Variants in COL14A1 observed in about 807,000 individuals in gnomAD.
COL14A1 encodes collagen alpha-1(XIV) chain.
A neutral mutation model predicts 230.3 loss-of-function variants in COL14A1; 136 were observed. The ratio of observed to expected loss-of-function variants is 0.59; its 90% CI spans 0.51 to 0.68. COL14A1 has a LOEUF of 0.68. Ranked by LOEUF, COL14A1 falls within the 30% of genes least tolerant of loss-of-function variation. The pLI is 0.00. For missense variants in COL14A1, 1,976 were observed against 2,215.8 expected (o/e 0.89, Z 2.17); for synonymous variants, 792 against 784.1 (o/e 1.01, Z -0.17).
chr8:120,290,593 A>T (rs141268024), intron 34 of COL14A1, among the ~76,000 whole-genome samples: 1 of 152,336 alleles, frequency 6.6e-6, no homozygotes, highest in Non-Finnish European at 1.5e-5. Flanking sequence ...TCCCACTTTC[A>T]TAGATCTGTA....
intron 5 of COL14A1, among the ~76,000 whole-genome samples, chr8:120,177,305 G>A (rs1816311605): frequency 6.6e-6 from 1 of 151,994 alleles, no homozygotes; most frequent in African/African-American, 2.4e-5. Flanking sequence ...ACACAAAAGT[G>A]GTGGCCTCAG....
intron 7 of COL14A1, among the ~76,000 whole-genome samples, chr8:120,199,070 G>A (rs567439403): frequency 2.0e-4 from 30 of 152,248 alleles, no homozygotes; most frequent in Admixed American, 4.6e-4. Context: ...ACGCACTACT[G>A]TGTGAGTATT....
chr8:120,310,321 C>T (rs1179418470), intron 37 of COL14A1, among the ~76,000 whole-genome samples: 1 of 152,090 alleles, frequency 6.6e-6, no homozygotes, highest in Non-Finnish European at 1.5e-5. Flanking sequence ...GTTTAGTCTC[C>T]AAGGTAGTTC....
In COL14A1 at chr8:120,133,219, CA is replaced by C. The variant is rs1195089013; in HGVS notation, c.-38+7889del. On this transcript the variant is annotated intron_variant, in intron 1 of 47. Transcript: ENST00000297848. Reference sequence around the variant, plus strand: ...CGACAGAGCGAAACTCCGTCTCAAACAAAAAAAAAATAAAAAAAAAAAAAAT... The same window carrying C: ...CGACAGAGCGAAACTCCGTCTCAAACAAAAAAAAATAAAAAAAAAAAAAAT... 3.2e-4 allele frequency among the ~76,000 whole-genome samples: 26 copies of C among 81,382 alleles called. No homozygotes were observed. In the East Asian group the frequency reaches 3.6e-3, roughly 11 times the overall value. 53.4% of individuals were successfully genotyped at this position (81,382 alleles called of 152,430 possible). A position where few individuals can be genotyped will look rare whatever the true frequency, so the allele number is the denominator to read the frequency against.
At chr8:120,171,163 A>C (rs1221815244) in intron 5 of COL14A1, among the ~76,000 whole-genome samples, 1 of 152,198 alleles carries the variant, frequency 6.6e-6, no homozygotes, top group Non-Finnish European at 1.5e-5. Context: ...AATACTAATC[A>C]ATATCTTTAC....
chr8:120,223,099 C>A (rs952045436), intron 14 of COL14A1, among the ~76,000 whole-genome samples: 2 of 152,080 alleles, frequency 1.3e-5, no homozygotes, highest in African/African-American at 4.8e-5. Flanking sequence ...AAGGCAAGGA[C>A]CTGAAAGGAG....
intron 1 of COL14A1, among the ~76,000 whole-genome samples, chr8:120,130,350 A>G (rs1727136589): frequency 6.6e-6 from 1 of 152,226 alleles, no homozygotes; most frequent in Non-Finnish European, 1.5e-5. Context: ...ATTTGGCCAG[A>G]TAGGTCATCT....
chr8:120,203,878 G>T lies in COL14A1; in HGVS notation c.1039+8G>T. 1.2e-6 allele frequency: 2 copies of T among 1,612,788 alleles called. No individual in the cohort carries two copies. Among genetic ancestry groups the T allele is most frequent in the South Asian group, 2.2e-5 (2 of 90,952 alleles). On this transcript the variant is annotated splice_region_variant and intron_variant, in intron 9 of 47. Transcript: ENST00000297848. ...AGGACAGAGAAATTAAAGGTAAAAT[G>T]AGTGACAGAGCAGTCCTGTGGATGT...
At chr8:120,269,133 C>T (rs1261005831) in intron 25 of COL14A1, among the ~76,000 whole-genome samples, 1 of 151,694 alleles carries the variant, frequency 6.6e-6, no homozygotes, top group East Asian at 1.9e-4. Flanking sequence ...GGCACATTAT[C>T]TCATAGAATA....
At chr8:120,141,617 T>C (rs1194054270) in intron 1 of COL14A1, among the ~76,000 whole-genome samples, 1 of 152,140 alleles carries the variant, frequency 6.6e-6, no homozygotes, top group Non-Finnish European at 1.5e-5. Flanking sequence ...TTTTTCCATA[T>C]AAATAATGCC....
intron 45 of COL14A1, among the ~76,000 whole-genome samples, chr8:120,362,368 G>A (rs778579434): frequency 5.9e-5 from 9 of 152,198 alleles, no homozygotes; most frequent in Non-Finnish European, 1.2e-4. Context: ...TATAGGCAGT[G>A]CTGATACACT....
At chr8:120,146,671 A>G (rs1815098932) in intron 1 of COL14A1, among the ~76,000 whole-genome samples, 1 of 152,146 alleles carries the variant, frequency 6.6e-6, no homozygotes. Context: ...TTAAAAAATC[A>G]TTTGCTATTT....
At chr8:120,293,288 T>C (rs1277101667) in intron 34 of COL14A1, among the ~76,000 whole-genome samples, 2 of 151,978 alleles carry the variant, frequency 1.3e-5, no homozygotes, top group Non-Finnish European at 2.9e-5. Flanking sequence ...AGTTACAGCT[T>C]TTATATATAA....
At chr8:120,271,529 T>A (rs140850091) in intron 26 of COL14A1, among the ~76,000 whole-genome samples, 1 of 151,782 alleles carries the variant, frequency 6.6e-6, no homozygotes, top group East Asian at 1.9e-4. Flanking sequence ...GACAGTTATT[T>A]TAAATTGTAT....
At chr8:120,140,293 A>G (rs1814859214) in intron 1 of COL14A1, among the ~76,000 whole-genome samples, 1 of 151,304 alleles carries the variant, frequency 6.6e-6, no homozygotes. Flanking sequence ...TTTTCAAGTA[A>G]ATTGTAAGTG....
chr8:120,195,101 A>T (rs972468341), intron 5 of COL14A1, among the ~76,000 whole-genome samples: 2 of 152,014 alleles, frequency 1.3e-5, no homozygotes, highest in Non-Finnish European at 2.9e-5. Flanking sequence ...TGGCAAATTC[A>T]TTTTTTCCCC....
chr8:120,230,000 C>T (rs1019358894), intron 18 of COL14A1, among the ~76,000 whole-genome samples: 1 of 152,130 alleles, frequency 6.6e-6, no homozygotes, highest in Admixed American at 6.5e-5. Context: ...CCAGCCTCAG[C>T]CCCCCACGTA....
intron 25 of COL14A1, 50 bp downstream of exon 25, chr8:120,266,933 T>C (rs1819519137): frequency 6.7e-7 from 1 of 1,484,488 alleles, no homozygotes. Flanking sequence ...GGATTTGTGT[T>C]GGTTTTGTTT....
Position 120,283,601 on chromosome 8 carries a change from G to T in COL14A1, c.3825-35G>T, listed in dbSNP as rs767123222. On this transcript the variant is annotated intron_variant, in intron 31 of 47. Coordinates refer to ENST00000297848, the MANE Select transcript of COL14A1 (RefSeq NM_021110.4). ...CAAAGGAGTAACTTTTTTGAGGAAGGATACAATGAAACATGGTTTTCTTTC... is the reference window on the plus strand; with the variant it reads ...CAAAGGAGTAACTTTTTTGAGGAAGTATACAATGAAACATGGTTTTCTTTC... 2.6e-6 allele frequency: 4 copies of T among 1,561,538 alleles called. No homozygotes were observed. The South Asian group carries it at 4.9e-5, about 19-fold the overall frequency.
Sources: gnomAD v4.1 joint callset for allele counts (sites outside exome capture counted in the v4.1 genomes callset) on GRCh38, gnomAD v4.1.1 for gene constraint, MANE v1.5 for transcripts, NCBI Gene and HGNC (gene_info 2026-07-23, HGNC 2026-07-21) for gene names.